Variants in DCAF8 observed in about 807,000 individuals in gnomAD.
DCAF8 encodes DDB1- and CUL4-associated factor 8.
DCAF8 carries 20 observed loss-of-function variants against 68.0 expected under a neutral mutation model. The observed-to-expected ratio is 0.29, with a 90% confidence interval of 0.21 to 0.43. The LOEUF (loss-of-function observed/expected upper bound fraction) is 0.43. Ranked by LOEUF, DCAF8 falls within the 20% of genes least tolerant of loss-of-function variation. DCAF8 has a pLI of 1.00. For missense variants in DCAF8, 460 were observed against 771.0 expected (o/e 0.60, Z 4.78); for synonymous variants, 230 against 276.9 (o/e 0.83, Z 1.68).
At chr1:160,237,332 A>G (rs1187791761) in intron 5 of DCAF8, 103 bp from the exon 6 acceptor site, 1 of 763,976 alleles carries the variant, frequency 1.3e-6, no homozygotes, top group Non-Finnish European at 2.1e-6. Context: ...AAAATGTTCC[A>G]AAAAGAGAAA....
chr1:160,237,328 T>C (rs1484823206), intron 5 of DCAF8, 99 bp from the exon 6 acceptor site: 1 of 797,844 alleles, frequency 1.3e-6, no homozygotes, highest in African/African-American at 1.8e-5. Flanking sequence ...ACTTAAAATG[T>C]TCCAAAAAGA....
chr1:160,260,097 A>T (rs972904696), intron 2 of DCAF8, among the ~76,000 whole-genome samples: 1 of 151,892 alleles, frequency 6.6e-6, no homozygotes, highest in East Asian at 1.9e-4. Context: ...AAAAAAAAAA[A>T]CCAAAAAACA....
chr1:160,254,306 A>T (rs1161399773), intron 2 of DCAF8, among the ~76,000 whole-genome samples: 1 of 152,046 alleles, frequency 6.6e-6, no homozygotes, highest in Admixed American at 6.6e-5. Flanking sequence ...TGGGCCAAAG[A>T]ACGAAACTCT....
At chr1:160,233,815 T>C (rs977175020) in intron 6 of DCAF8, among the ~76,000 whole-genome samples, 2 of 152,086 alleles carry the variant, frequency 1.3e-5, no homozygotes, top group African/African-American at 4.8e-5. Context: ...TCCCTCCTGA[T>C]GGGTAAATGC....
intron 2 of DCAF8, among the ~76,000 whole-genome samples, chr1:160,255,297 A>AT (rs1252936536): frequency 6.6e-6 from 1 of 152,164 alleles, no homozygotes; most frequent in Non-Finnish European, 1.5e-5. Context: ...TTTAAAATAG[A>AT]TTTTTTTACT....
intron 3 of DCAF8, among the ~76,000 whole-genome samples, chr1:160,242,218 T>C (rs148327428): frequency 6.6e-6 from 1 of 150,770 alleles, no homozygotes; most frequent in Admixed American, 6.6e-5. Context: ...GTACTCCAGC[T>C]TGGTAACAAG....
chr1:160,237,497 G>A (rs972855909), intron 5 of DCAF8, among the ~76,000 whole-genome samples: 1 of 152,320 alleles, frequency 6.6e-6, no homozygotes, highest in Non-Finnish European at 1.5e-5. Context: ...GATATGAACA[G>A]ATAGCAAAGA....
At chr1:160,246,802 G>C (rs1043060272) in intron 2 of DCAF8, among the ~76,000 whole-genome samples, 1 of 152,046 alleles carries the variant, frequency 6.6e-6, no homozygotes, top group Admixed American at 6.6e-5. Flanking sequence ...CGTCACTACA[G>C]AAAAGAAAAA....
intron 6 of DCAF8, among the ~76,000 whole-genome samples, chr1:160,232,079 T>C (rs1371045512): frequency 6.6e-6 from 1 of 151,992 alleles, no homozygotes; most frequent in Non-Finnish European, 1.5e-5. Flanking sequence ...TCATCCCAGC[T>C]ACTCAGGACA....
At chr1:160,222,612 G>C (rs1655335191) in intron 11 of DCAF8, 39 bp downstream of exon 11, 1 of 1,610,274 alleles carries the variant, frequency 6.2e-7, no homozygotes. Flanking sequence ...AATGACTGGA[G>C]AGATTAGGGA....
At position 160,215,819 on chromosome 1, in the gene DCAF8, C is replaced by T. The variant is rs1191394233; in HGVS notation, c.*1773G>A. 6.6e-6 allele frequency: 1 copy of T among 152,164 alleles called. No individual in the cohort carries two copies. Among genetic ancestry groups the T allele is most frequent in the Non-Finnish European group, 1.5e-5 (1 of 68,022 alleles). The allele number at this position is 152,164 out of a possible 1,614,324, so 9.4% of individuals were successfully genotyped here. A position where few individuals can be genotyped will look rare whatever the true frequency, so the allele number is the denominator to read the frequency against. On this transcript the variant is annotated 3_prime_UTR_variant, in exon 14 of 14. Coordinates refer to ENST00000368074, the MANE Select transcript of DCAF8 (RefSeq NM_015726.4). The stretch of plus-strand genomic sequence containing the variant: ...CCCCACCAGCAATAGGAACACAGAC[C>T]ACTCGATCACCACACATTCCCTACC...
chr1:160,229,095 G>A (rs1008887209), intron 7 of DCAF8, among the ~76,000 whole-genome samples: 1 of 152,050 alleles, frequency 6.6e-6, no homozygotes, highest in African/African-American at 2.4e-5. Flanking sequence ...AAGACAGTTC[G>A]AGACCAGCCT....
intron 7 of DCAF8, 135 bp downstream of exon 7, chr1:160,231,162 G>T: frequency 1.5e-6 from 1 of 677,384 alleles, no homozygotes; most frequent in Non-Finnish European, 2.6e-6. Flanking sequence ...AAGATTTTTG[G>T]AAAACGGTAA....
At chr1:160,225,741 G>GTTTCCT in intron 7 of DCAF8, 78 bp from the exon 8 acceptor site, 4 of 1,171,886 alleles carry the variant, frequency 3.4e-6, no homozygotes, top group Non-Finnish European at 5.0e-6. Context: ...TGTAGTGGCA[G>GTTTCCT]GAAACTGCCA....
At chr1:160,237,725 A>G (rs575357453) in intron 5 of DCAF8, among the ~76,000 whole-genome samples, 34 of 151,994 alleles carry the variant, frequency 2.2e-4, no homozygotes, top group African/African-American at 8.2e-4. Flanking sequence ...TGTTTTCCAC[A>G]GATGGGGTCT....
At chr1:160,231,477 C>T in intron 6 of DCAF8, 70 bp from the exon 7 acceptor site, 1 of 1,085,634 alleles carries the variant, frequency 9.2e-7, no homozygotes, top group Non-Finnish European at 1.4e-6. Flanking sequence ...AAAGGAGAGC[C>T]AAGAGAGTCA....
chr1:160,243,708 T>C (rs945481498), intron 3 of DCAF8, among the ~76,000 whole-genome samples: 2 of 152,244 alleles, frequency 1.3e-5, no homozygotes, highest in African/African-American at 2.4e-5. Flanking sequence ...TATAGCTTTA[T>C]AGAACTCCAA....
At chr1:160,235,403 G>C (rs955805582) in intron 6 of DCAF8, among the ~76,000 whole-genome samples, 1 of 151,962 alleles carries the variant, frequency 6.6e-6, no homozygotes, top group Non-Finnish European at 1.5e-5. Context: ...ACAGGCATGA[G>C]CCACTGCACC....
At chr1:160,247,971 G>A (rs1200317638) in intron 2 of DCAF8, among the ~76,000 whole-genome samples, 4 of 152,194 alleles carry the variant, frequency 2.6e-5, no homozygotes, top group Admixed American at 1.3e-4. Flanking sequence ...GACACAAAAA[G>A]CACATACAAA....
Sources: allele counts gnomAD v4.1 joint callset (sites outside exome capture counted in the v4.1 genomes callset), GRCh38; gene constraint gnomAD v4.1.1; transcripts MANE v1.5; gene names NCBI Gene and HGNC (gene_info 2026-07-23, HGNC 2026-07-21).